Variants in PLIN2 observed in about 807,000 individuals in gnomAD.
PLIN2 encodes perilipin-2.
PLIN2 carries 33 observed loss-of-function variants against 30.6 expected under a neutral mutation model. The ratio of observed to expected loss-of-function variants is 1.08; its 90% CI spans 0.82 to 1.44. PLIN2 has a LOEUF of 1.44. Ranked by LOEUF, PLIN2 falls within the 40% of genes most tolerant of loss-of-function variation. PLIN2 has a pLI of 0.00. For synonymous variants in PLIN2, 205 were observed against 201.1 expected (o/e 1.02, Z -0.16); for missense variants, 610 against 531.8 (o/e 1.15, Z -1.45).
downstream of PLIN2, among the ~76,000 whole-genome samples, chr9:19,115,155 ACCCACTC>A (rs1818202883): frequency 6.6e-6 from 1 of 152,162 alleles, no homozygotes; most frequent in Admixed American, 6.6e-5. Flanking sequence ...TGGTTTAAAA[ACCCACTC>A]ACAGGGGTCC....
At chr9:19,111,033 C>G (rs1818152453), downstream of PLIN2, among the ~76,000 whole-genome samples, 1 of 152,090 alleles carries the variant, frequency 6.6e-6, no homozygotes, top group African/African-American at 2.4e-5. Context: ...TATCACTTCA[C>G]TTAGTCATCT....
chr9:19,124,386 G>A (rs1412666691), intron 3 of PLIN2, among the ~76,000 whole-genome samples: 2 of 149,258 alleles, frequency 1.3e-5, no homozygotes, highest in African/African-American at 5.2e-5. Context: ...CAGGAGGAAA[G>A]AGTATGCCAA....
intron 4 of PLIN2, 173 bp downstream of exon 4, chr9:19,123,392 A>G (rs1486171780): frequency 2.6e-6 from 4 of 1,551,550 alleles, no homozygotes; most frequent in Non-Finnish European, 2.6e-6. Context: ...CGTAGATACA[A>G]CTTGACAACA....
rs760233067 is a variant in PLIN2, at chr9:19,118,398, C to G, written c.835G>C (p.Asp279His). The G allele has an allele frequency of 6.2e-7, 1 of 1,613,248 alleles. No homozygotes were observed. The highest frequency in any genetic ancestry group is 8.5e-7 in the Non-Finnish European group (1 of 1,179,360). The change falls in exon 7 of 8, where the codon GAT (aspartate) becomes CAT (histidine). Residue 279 changes from aspartate (D) to histidine (H), a missense_variant. By Grantham distance (81) the Asp-to-His change is moderately conservative (BLOSUM62 -1). Transcript: ENST00000276914. ...TCTACCCATGAGAGGTAGAGCTTATCCTGAGCATCCTGAATTTTCTGATTG... is the reference window on the plus strand; with the variant it reads ...TCTACCCATGAGAGGTAGAGCTTATGCTGAGCATCCTGAATTTTCTGATTG... ...SANQKIQDAQ[D>H]KLYLSWVEWK...
chr9:19,119,767 C>G lies in PLIN2; in HGVS notation c.660G>C (p.Leu220=), dbSNP rs1163387524. 6.2e-7 allele frequency: 1 copy of G among 1,610,438 alleles called. No individual in the cohort carries two copies. The highest frequency in any genetic ancestry group is 1.3e-5 in the African/African-American group (1 of 74,846). ...AGTGAAGCTTGGTAGACAGGGATCC[C>G]AGTCTAACATAATAACTTGGCTTCT... The part of the protein sequence containing the change: ...LVQKPSYYVR[L]GSLSTKLHSR... The change falls in exon 6 of 8, where the codon CTG becomes CTC. Residue 220 remains leucine, a synonymous_variant. Transcript: ENST00000276914.
At chr9:19,110,277 C>T (rs368709632) in intron 2 of PLIN2, among the ~76,000 whole-genome samples, 133 of 152,144 alleles carry the variant, frequency 8.7e-4, no homozygotes, top group African/African-American at 3.2e-3. Flanking sequence ...GTCCAACCTC[C>T]TTGGCTTCCC....
chr9:19,115,340 C>A (rs1342809071), downstream of PLIN2, among the ~76,000 whole-genome samples: 1 of 145,568 alleles, frequency 6.9e-6, no homozygotes, highest in African/African-American at 2.5e-5. Context: ...TGGAGTCTTG[C>A]TCTTTCGCCC....
At chr9:19,111,288 A>T (rs1818155457), downstream of PLIN2, among the ~76,000 whole-genome samples, 1 of 151,936 alleles carries the variant, frequency 6.6e-6, no homozygotes. Context: ...GCCTCAAGTG[A>T]TCTGCCGACT....
chr9:19,122,156 A>G (rs1218453662), intron 4 of PLIN2, among the ~76,000 whole-genome samples: 1 of 151,760 alleles, frequency 6.6e-6, no homozygotes, highest in Non-Finnish European at 1.5e-5. Flanking sequence ...ACCAACATTT[A>G]AAGAAAATAT....
chr9:19,123,515 G>A (rs1357932863), intron 4 of PLIN2, 50 bp downstream of exon 4: 1 of 1,613,504 alleles, frequency 6.2e-7, no homozygotes, highest in East Asian at 2.2e-5. Flanking sequence ...ACAGATAGAA[G>A]ATGAAAACAT....
Position 19,126,444 on chromosome 9 carries a change from G to C in PLIN2, c.-18C>G. ...GATGCCATTTTTCTTCCTGGAGAAA[G>C]AAATCTGCAGAAAAGAGACTTATTT... On this transcript the variant is annotated 5_prime_UTR_variant, in exon 2 of 8. Transcript: ENST00000276914. 1.3e-6 allele frequency: 2 copies of C among 1,595,240 alleles called. No individual in the cohort carries two copies. Among genetic ancestry groups the C allele is most frequent in the Non-Finnish European group, 1.7e-6 (2 of 1,163,856 alleles).
intron 3 of PLIN2, 191 bp downstream of exon 3, chr9:19,125,922 CA>C (rs11394383): frequency 0.052 from 20,885 of 401,580 alleles, no homozygotes; most frequent in South Asian, 0.088. Context: ...GACTCCATCT[CA>C]AAAAAAAAAA....
chr9:19,126,973 C>A (rs1818411522), intron 1 of PLIN2, among the ~76,000 whole-genome samples: 1 of 151,892 alleles, frequency 6.6e-6, no homozygotes, highest in African/African-American at 2.4e-5. Context: ...ACCCGGGAGG[C>A]GGAGGTTGCA....
In PLIN2 at chr9:19,116,272, C is replaced by G. The variant is rs2131176090; in HGVS notation, c.1290G>C (p.Gln430His). Residue 430 changes from glutamine to histidine, a missense_variant, in exon 8 of 8, where the codon CAG becomes CAC. Physicochemically the swap from Gln to His is conservative, Grantham distance 24. Transcript: ENST00000276914. Reference protein sequence around the residue: ...AEMDKSSQETQRSEHKTH With the variant: ...AEMDKSSQETHRSEHKTH ...TTTAATGAGTTTTATGCTCAGATCGCTGGGTCTCCTGGCTGCTCTTGTCCA... is the reference window on the plus strand; with the variant it reads ...TTTAATGAGTTTTATGCTCAGATCGGTGGGTCTCCTGGCTGCTCTTGTCCA... 1 of 1,602,408 alleles carries G rather than the reference C, an allele frequency of 6.2e-7. No individual in the cohort carries two copies. Among genetic ancestry groups the G allele is most frequent in the South Asian group, 1.1e-5 (1 of 89,988 alleles).
At chr9:19,115,568 A>G (rs1239237221), downstream of PLIN2, among the ~76,000 whole-genome samples, 2 of 151,980 alleles carry the variant, frequency 1.3e-5, no homozygotes, top group African/African-American at 4.8e-5. Context: ...CAGCCTCCCA[A>G]AGTGCTGGGG....
At position 19,116,489 on chromosome 9, in the gene PLIN2, C is replaced by A. The variant is rs145392085; in HGVS notation, c.1073G>T (p.Arg358Leu). ...CACTTCTTTAAAGGAGGCAGCATTG[C>A]GGAACACTGAGTAGATGTCGCCTGC... ...VMAGDIYSVF[R>L]NAASFKEVSD... is the part of the protein sequence containing the mutation. Residue 358 changes from arginine to leucine, a missense_variant, in exon 8 of 8, where the codon CGC becomes CTC. By Grantham distance (102) the Arg-to-Leu change is moderately radical (BLOSUM62 -2). Transcript: ENST00000276914. 1.2e-6 allele frequency: 2 copies of A among 1,614,144 alleles called. No homozygotes were observed. The highest frequency in any genetic ancestry group is 1.7e-6 in the Non-Finnish European group (2 of 1,180,028).
chr9:19,114,504 A>T (rs113856623), downstream of PLIN2, among the ~76,000 whole-genome samples: 407 of 152,076 alleles, frequency 2.7e-3, 1 homozygote, highest in Non-Finnish European at 3.7e-3. Context: ...TCCCAGACGC[A>T]GGGGATTCTC....
rs1588648751 is a variant in PLIN2 at position 19,126,168 on chromosome 9, T to C, written c.172A>G (p.Thr58Ala). The C allele has an allele frequency of 6.2e-7, 1 of 1,613,776 alleles. No homozygotes were observed. ...AGAGCACTGGTCATGGCCACGGAGGTGATGGTCTTCACACCGTTCTCTGCC... is the reference window on the plus strand; with the variant it reads ...AGAGCACTGGTCATGGCCACGGAGGCGATGGTCTTCACACCGTTCTCTGCC... ...EMAENGVKTI[T>A]SVAMTSALPI... The change falls in exon 3 of 8, where the codon ACC becomes GCC. Residue 58 changes from threonine to alanine, a missense_variant. By Grantham distance (58) the Thr-to-Ala change is moderately conservative. Transcript: ENST00000276914.
At position 19,116,545 on chromosome 9, in the gene PLIN2, G is replaced by C; in HGVS notation, c.1017C>G (p.Ile339Met). 1 of 1,614,110 alleles carries C rather than the reference G, an allele frequency of 6.2e-7. No individual in the cohort carries two copies. The highest frequency in any genetic ancestry group is 8.5e-7 in the Non-Finnish European group (1 of 1,180,038). Residue 339 changes from isoleucine (I) to methionine (M), a missense_variant, in exon 8 of 8, where the codon ATC becomes ATG. Transcript: ENST00000276914. ...CCCCCATGTGCTTGGCTTGATCTTG[G>C]ATGTTCTGTGGTACACCTTGGATGT... ...LSNIQGVPQN[I>M]QDQAKHMGVM...
Sources: gnomAD v4.1 joint callset for allele counts (sites outside exome capture counted in the v4.1 genomes callset) on GRCh38, gnomAD v4.1.1 for gene constraint, MANE v1.5 for transcripts, NCBI Gene and HGNC (gene_info 2026-07-23, HGNC 2026-07-21) for gene names.